ZNF536: variants seen among roughly 807,000 people sequenced by gnomAD.
ZNF536 encodes zinc finger protein 536.
A neutral mutation model predicts 84.5 loss-of-function variants in ZNF536; 13 were observed. The ratio of observed to expected loss-of-function variants is 0.15; its 90% confidence interval spans 0.10 to 0.24. The LOEUF is 0.24. Among genes scored for constraint, ZNF536 ranks in the 10% least tolerant of loss-of-function variants. ZNF536 has a pLI of 1.00. For synonymous variants in ZNF536, 811 were observed against 742.5 expected (o/e 1.09, Z -1.50); for missense variants, 1,536 against 1,747.5 (o/e 0.88, Z 2.16).
At chr19:30,400,687 A>G (rs932209602) in intron 1 of ZNF536, among the ~76,000 whole-genome samples, 2 of 152,036 alleles carry the variant, frequency 1.3e-5, no homozygotes, top group Admixed American at 6.6e-5. Flanking sequence ...TCAGCCTCCT[A>G]AGTGAGCAGA....
chr19:30,235,127 A>T (rs758326), intron 1 of ZNF536, among the ~76,000 whole-genome samples: 3 of 152,076 alleles, frequency 2.0e-5, no homozygotes, highest in Non-Finnish European at 4.4e-5. Flanking sequence ...GCCAGGCACT[A>T]CATTACACAC....
At chr19:30,262,572 G>A (rs1337186437) in intron 1 of ZNF536, among the ~76,000 whole-genome samples, 3 of 152,234 alleles carry the variant, frequency 2.0e-5, no homozygotes, top group Admixed American at 6.5e-5. Context: ...CCCAGGAAGG[G>A]AGGGCTCATC....
chr19:30,350,882 C>A (rs1051665311), intron 2 of ZNF536, among the ~76,000 whole-genome samples: 1 of 152,192 alleles, frequency 6.6e-6, no homozygotes. Flanking sequence ...GCAGGCTATA[C>A]ACACAATGGT....
intron 1 of ZNF536, among the ~76,000 whole-genome samples, chr19:30,240,674 TGA>T (rs1474937954): frequency 6.6e-6 from 1 of 152,176 alleles, no homozygotes; most frequent in African/African-American, 2.4e-5. Context: ...AAACAGGCTC[TGA>T]GAGGGAAGCA....
At chr19:30,352,256 C>T (rs545146008) in intron 2 of ZNF536, 1 of 152,234 alleles carries the variant, frequency 6.6e-6, no homozygotes, top group East Asian at 1.9e-4. Flanking sequence ...GATTTGATTT[C>T]ATCTTTAACC....
At position 30,423,212 on chromosome 19, in the gene ZNF536, T is replaced by C. The variant is rs138385509; in HGVS notation, c.-2-20349T>C. Among the ~76,000 whole-genome samples the C allele has an allele frequency of 4.5e-3, 683 of 151,604 alleles. 3 individuals carry two copies. The highest frequency in any genetic ancestry group is 7.8e-3 in the Non-Finnish European group (527 of 67,904). On this transcript the variant is annotated intron_variant, in intron 1 of 4. Transcript: ENST00000355537. ...GCCCTTCTCTTTCTCTCCCTTACTT[T>C]CTTCCTTTCTCCCTTCCTCCACCCG... is the stretch of plus-strand genomic sequence containing the variant.
intron 1 of ZNF536, among the ~76,000 whole-genome samples, chr19:30,614,990 A>G (rs1312959183): frequency 3.1e-5 from 2 of 64,570 alleles, no homozygotes; most frequent in Non-Finnish European, 5.8e-5. Context: ...TCTGTCGCCC[A>G]GGCTGGAGTG....
chr19:30,628,163 A>G (rs2048756112), intron 1 of ZNF536, among the ~76,000 whole-genome samples: 1 of 152,180 alleles, frequency 6.6e-6, no homozygotes, highest in African/African-American at 2.4e-5. Flanking sequence ...AAGTAGGCCA[A>G]ATGAAATGAT....
upstream of ZNF536, among the ~76,000 whole-genome samples, chr19:30,226,766 C>T (rs1054250129): frequency 6.6e-6 from 1 of 152,220 alleles, no homozygotes; most frequent in Admixed American, 6.5e-5. The surrounding 1 kb of genome is among the most constrained non-coding windows in gnomAD (Gnocchi z 4.6). Context: ...CGAGGAAGTG[C>T]GGGCGTGGGG....
rs142251425 is a variant in ZNF536 at position 30,503,970 on chromosome 19, T to C, written c.2171-30877T>C. ...TTTTAAATTTGGAAAAAGTCTATAT[T>C]TTTATTTTTAAAGATAAAAGAAACT... On this transcript the variant is annotated intron_variant, in intron 2 of 4. Transcript: ENST00000355537. Among the ~76,000 whole-genome samples the C allele has an allele frequency of 2.8e-3, 419 of 152,160 alleles. 2 individuals are homozygous for C. Among genetic ancestry groups the C allele is most frequent in the African/African-American group, 9.3e-3 (388 of 41,522 alleles).
At chr19:30,588,040 T>G (rs2047155894) in intron 1 of ZNF536, among the ~76,000 whole-genome samples, 1 of 152,254 alleles carries the variant, frequency 6.6e-6, no homozygotes, top group African/African-American at 2.4e-5. Context: ...AGGCCCCAGC[T>G]GCAAAGTGCA....
intron 2 of ZNF536, among the ~76,000 whole-genome samples, chr19:30,291,611 T>C (rs2045842982): frequency 6.6e-6 from 1 of 152,260 alleles, no homozygotes. Context: ...TTGGGTGGAA[T>C]TGCGGGATCT....
chr19:30,575,634 G>A (rs1185376719), intron 1 of ZNF536, among the ~76,000 whole-genome samples: 1 of 152,216 alleles, frequency 6.6e-6, no homozygotes, highest in African/African-American at 2.4e-5. Flanking sequence ...ACAGTCTAGA[G>A]GGCAGTGGGC....
intron 2 of ZNF536, among the ~76,000 whole-genome samples, chr19:30,534,320 C>T (rs1166211554): frequency 6.6e-6 from 1 of 152,194 alleles, no homozygotes; most frequent in East Asian, 1.9e-4. Flanking sequence ...GGATACAAGA[C>T]TCTACAAGGA....
chr19:30,327,519 C>G (rs182088096), intron 2 of ZNF536, among the ~76,000 whole-genome samples: 213 of 152,356 alleles, frequency 1.4e-3, no homozygotes, highest in African/African-American at 4.2e-3. Context: ...ATGAACCCAG[C>G]TTTGCATGTT....
chr19:30,436,622 G>A, intron 1 of ZNF536: 1 of 457,154 alleles, frequency 2.2e-6, no homozygotes, highest in Non-Finnish European at 2.9e-6. Context: ...CAGAACAGGA[G>A]TGTATTATGC....
intron 2 of ZNF536, among the ~76,000 whole-genome samples, chr19:30,331,817 T>C (rs1339975781): frequency 6.6e-6 from 1 of 152,154 alleles, no homozygotes; most frequent in Admixed American, 6.5e-5. Context: ...CCAGGGACCC[T>C]TCAGCTTCCT....
chr19:30,646,101 A>G (rs796257377), intron 1 of ZNF536, among the ~76,000 whole-genome samples: 2 of 152,168 alleles, frequency 1.3e-5, no homozygotes, highest in African/African-American at 4.8e-5. Context: ...TTATTTTTTC[A>G]GAGAAGGTAT....
At chr19:30,599,712 A>G (rs561465822) in intron 1 of ZNF536, among the ~76,000 whole-genome samples, 1 of 152,266 alleles carries the variant, frequency 6.6e-6, no homozygotes, top group South Asian at 2.1e-4. Flanking sequence ...AAGTGCAGCA[A>G]TGAATGCGGA....
Sources: allele counts gnomAD v4.1 joint callset (sites outside exome capture counted in the v4.1 genomes callset), GRCh38; gene constraint gnomAD v4.1.1; non-coding constraint Gnocchi (gnomAD v3.1); transcripts MANE v1.5; gene names NCBI Gene and HGNC (gene_info 2026-07-23, HGNC 2026-07-21).